TRNAU1AP: variants seen among roughly 807,000 people sequenced by gnomAD.
TRNAU1AP encodes tRNA selenocysteine 1 associated protein 1.
A neutral mutation model predicts 43.3 loss-of-function variants in TRNAU1AP; 33 were observed. The ratio of observed to expected loss-of-function variants is 0.76; its 90% CI spans 0.58 to 1.02. TRNAU1AP has a LOEUF of 1.02. Ranked by LOEUF, TRNAU1AP falls within the 50% of genes least tolerant of loss-of-function variation. TRNAU1AP has a pLI of 0.00. For synonymous variants in TRNAU1AP, 143 were observed against 129.1 expected (o/e 1.11, Z -0.73); for missense variants, 290 against 362.7 (o/e 0.80, Z 1.63).
chr1:28,553,603 C>G, intron 1 of TRNAU1AP, 37 bp from the exon 2 acceptor site: 1 of 1,601,928 alleles, frequency 6.2e-7, no homozygotes, highest in Non-Finnish European at 8.5e-7. Context: ...GAAGCCCGGC[C>G]GCCGGCCTGA....
intron 6 of TRNAU1AP, among the ~76,000 whole-genome samples, chr1:28,567,773 G>C (rs1476679717): frequency 6.6e-6 from 1 of 152,098 alleles, no homozygotes; most frequent in African/African-American, 2.4e-5. Context: ...TTGAATAAAG[G>C]GGAAAAAATT....
intron 8 of TRNAU1AP, among the ~76,000 whole-genome samples, chr1:28,573,705 G>C (rs987797969): frequency 6.6e-6 from 1 of 151,834 alleles, no homozygotes; most frequent in African/African-American, 2.4e-5. Flanking sequence ...CCCGGGAGGC[G>C]GAAGTTGCAG....
intron 1 of TRNAU1AP, 175 bp downstream of exon 1, chr1:28,553,312 G>A (rs569464380): frequency 2.5e-6 from 2 of 811,204 alleles, no homozygotes; most frequent in East Asian, 2.8e-5. Context: ...GGCTGAGTCC[G>A]TGAGGCTAGG....
intron 2 of TRNAU1AP, among the ~76,000 whole-genome samples, chr1:28,554,238 A>C (rs1406010565): frequency 6.6e-6 from 1 of 151,512 alleles, no homozygotes; most frequent in Non-Finnish European, 1.5e-5. Flanking sequence ...CGCAGGACTC[A>C]AGCGAGACTG....
chr1:28,571,564 C>T (rs549041930), intron 7 of TRNAU1AP, among the ~76,000 whole-genome samples: 1 of 151,934 alleles, frequency 6.6e-6, no homozygotes, highest in Non-Finnish European at 1.5e-5. Flanking sequence ...GGTAGATCAC[C>T]TGAGGTCAGG....
chr1:28,571,990 T>A, intron 8 of TRNAU1AP, 90 bp downstream of exon 8: 1 of 1,144,432 alleles, frequency 8.7e-7, no homozygotes, highest in Non-Finnish European at 1.3e-6. Context: ...GAAGACAAGA[T>A]AAATTCTGCT....
rs961283903 is a variant in TRNAU1AP, at chr1:28,553,705, G to T, written c.93G>T (p.Met31Ile). The T allele has an allele frequency of 6.2e-7, 1 of 1,614,064 alleles. No individual in the cohort carries two copies. The highest frequency in any genetic ancestry group is 1.3e-5 in the African/African-American group (1 of 74,932). ...TTGCCACCATGGGGGAGACCGTAATGAGCGTCAAAATTATCCGAAACCGCC... is the reference window on the plus strand; with the variant it reads ...TTGCCACCATGGGGGAGACCGTAATTAGCGTCAAAATTATCCGAAACCGCC... ...RAFATMGETV[M>I]SVKIIRNRLT... is the part of the protein sequence containing the mutation. Residue 31 changes from methionine (M) to isoleucine (I), a missense_variant, in exon 2 of 9, where the codon ATG (methionine) becomes ATT (isoleucine). Coordinates refer to ENST00000373830, the MANE Select transcript of TRNAU1AP (RefSeq NM_017846.5).
intron 2 of TRNAU1AP, among the ~76,000 whole-genome samples, chr1:28,555,168 T>G (rs1665230625): frequency 6.6e-6 from 1 of 150,638 alleles, no homozygotes; most frequent in South Asian, 2.1e-4. Context: ...AGGCAGAGGT[T>G]GTAGTGAGCC....
chr1:28,569,962 C>T (rs1665627604), intron 6 of TRNAU1AP, among the ~76,000 whole-genome samples: 1 of 151,944 alleles, frequency 6.6e-6, no homozygotes, highest in South Asian at 2.1e-4. Flanking sequence ...GATCGCGCCA[C>T]TGCACTCCAG....
chr1:28,570,850 G>A (rs1665648320), intron 6 of TRNAU1AP, among the ~76,000 whole-genome samples: 1 of 152,160 alleles, frequency 6.6e-6, no homozygotes, highest in Admixed American at 6.6e-5. Flanking sequence ...CGGATCACGA[G>A]GTCAGGAGAT....
At chr1:28,574,804 A>T (rs146161420) in intron 8 of TRNAU1AP, 1 of 152,212 alleles carries the variant, frequency 6.6e-6, no homozygotes, top group Non-Finnish European at 1.5e-5. Context: ...TGTCAAGAAA[A>T]TGTTCGTTAA....
chr1:28,575,696 A>G (rs1265475856), intron 8 of TRNAU1AP, among the ~76,000 whole-genome samples: 1 of 150,220 alleles, frequency 6.7e-6, no homozygotes, highest in African/African-American at 2.5e-5. Flanking sequence ...CAGTGGCGCA[A>G]TCTCGCATGC....
intron 2 of TRNAU1AP, among the ~76,000 whole-genome samples, chr1:28,555,405 A>G (rs1469936146): frequency 3.3e-5 from 5 of 151,572 alleles, no homozygotes; most frequent in South Asian, 2.1e-4. Context: ...GAGGTTCTCT[A>G]TTGCCTCCAT....
intron 7 of TRNAU1AP, 81 bp from the exon 8 acceptor site, chr1:28,571,786 A>AAAAATAAAAAAT: frequency 9.9e-7 from 1 of 1,008,558 alleles, no homozygotes; most frequent in Non-Finnish European, 1.5e-6. Context: ...CCACCTCAAA[A>AAAAATAAAAAAT]AAAATAAAAA....
intron 4 of TRNAU1AP, among the ~76,000 whole-genome samples, 191 bp downstream of exon 4, chr1:28,561,589 G>A (rs16837580): frequency 0.016 from 2,398 of 152,258 alleles, 157 homozygotes; most frequent in Admixed American, 0.12. Context: ...TTTGGTCCCT[G>A]CCCCTGGCTT....
rs777460712 is a variant in TRNAU1AP, at chr1:28,560,713, C to A, written c.206C>A (p.Pro69His). 5.5e-5 allele frequency: 88 copies of A among 1,613,714 alleles called. No homozygotes were observed. Among genetic ancestry groups the A allele is most frequent in the Non-Finnish European group, 6.7e-5 (79 of 1,179,806 alleles). The change falls in exon 3 of 9, where the codon CCC (proline) becomes CAC (histidine). Residue 69 changes from proline to histidine, a missense_variant. Coordinates refer to ENST00000373830, the MANE Select transcript of TRNAU1AP (RefSeq NM_017846.5). ...TGTTTGCATAAAATTAATGGGAAAC[C>A]CCTTCCAGGAGCCACACCTGTAAGG... ...EKCLHKINGK[P>H]LPGATPAKRF...
chr1:28,553,131 G>A lies in TRNAU1AP; in HGVS notation c.21G>A (p.Met7Ile), dbSNP rs760598621. MAASLW[M>I]GDLEPYMDEN... ...CGGGTATGGCGGCCAGCCTGTGGAT[G>A]GGCGACGTGAGTGAGGGCAGCCGTC... The change falls in exon 1 of 9, where the codon ATG becomes ATA. Residue 7 changes from methionine (M) to isoleucine (I), a missense_variant. By Grantham distance (10) the Met-to-Ile change is conservative. Coordinates refer to ENST00000373830, the MANE Select transcript of TRNAU1AP (RefSeq NM_017846.5). 6.6e-7 allele frequency: 1 copy of A among 1,519,764 alleles called. No homozygotes were observed. Among genetic ancestry groups the A allele is most frequent in the Non-Finnish European group, 8.8e-7 (1 of 1,130,788 alleles). 94.1% of individuals were successfully genotyped at this position (1,519,764 alleles called of 1,614,324 possible).
At chr1:28,559,415 G>A (rs2124192084) in intron 2 of TRNAU1AP, among the ~76,000 whole-genome samples, 1 of 152,212 alleles carries the variant, frequency 6.6e-6, no homozygotes, top group South Asian at 2.1e-4. Flanking sequence ...GATCACCTGA[G>A]GTCGGGAGTT....
At chr1:28,563,905 T>C (rs901440191) in intron 4 of TRNAU1AP, among the ~76,000 whole-genome samples, 46 of 151,988 alleles carry the variant, frequency 3.0e-4, no homozygotes, top group African/African-American at 1.1e-3. Flanking sequence ...ATTTTTTTAA[T>C]AGAATTGACC....
Sources: gnomAD v4.1 joint callset for allele counts (sites outside exome capture counted in the v4.1 genomes callset) on GRCh38, gnomAD v4.1.1 for gene constraint, MANE v1.5 for transcripts, NCBI Gene and HGNC (gene_info 2026-07-23, HGNC 2026-07-21) for gene names.